CACNA2D3: variants seen among roughly 807,000 people sequenced by gnomAD.
CACNA2D3 encodes calcium voltage-gated channel auxiliary subunit alpha2delta 3.
Under a neutral mutation model 160.6 loss-of-function variants are expected in CACNA2D3, and 60 were observed. That is an observed-to-expected ratio of 0.37 (90% confidence interval 0.30 to 0.46). The LOEUF (loss-of-function observed/expected upper bound fraction) is 0.46, where lower values mean the gene tolerates loss of function less well. Ranked by LOEUF, CACNA2D3 falls within the 20% of genes least tolerant of loss-of-function variation. CACNA2D3 has a pLI of 1.00. For missense variants in CACNA2D3, 1,205 were observed against 1,365.0 expected, an observed-to-expected ratio of 0.88 and a Z score of 1.85; for synonymous variants, 558 against 492.9, an observed-to-expected ratio of 1.13 and a Z score of -1.75.
At chr3:54,405,993 G>A (rs527557256) in intron 4 of CACNA2D3, among the ~76,000 whole-genome samples, 1 of 152,202 alleles carries the variant, frequency 6.6e-6, no homozygotes, top group South Asian at 2.1e-4. Context: ...TTAAAACTGT[G>A]CAATATCACT....
chr3:54,825,971 A>G (rs1263967635), intron 14 of CACNA2D3, among the ~76,000 whole-genome samples: 1 of 152,204 alleles, frequency 6.6e-6, no homozygotes, highest in Non-Finnish European at 1.5e-5. Flanking sequence ...GTGCATATGC[A>G]TAGCTTTTCT....
chr3:55,065,377 C>G (rs891689717), intron 35 of CACNA2D3, among the ~76,000 whole-genome samples: 2 of 152,080 alleles, frequency 1.3e-5, no homozygotes, highest in African/African-American at 4.8e-5. Context: ...AATCCTACCC[C>G]AACCCCCTAC....
intron 5 of CACNA2D3, among the ~76,000 whole-genome samples, chr3:54,560,954 T>G (rs550996069): frequency 6.6e-6 from 1 of 152,236 alleles, no homozygotes; most frequent in African/African-American, 2.4e-5. Flanking sequence ...CTCATACCAG[T>G]ACCACTGCTG....
In CACNA2D3 at chr3:54,641,679, A is replaced by G. The variant is rs144683134; in HGVS notation, c.1054-449A>G. 8.7e-4 allele frequency among the ~76,000 whole-genome samples: 133 copies of G among 152,318 alleles called. 1 individual carries two copies. Among genetic ancestry groups the G allele is most frequent in the African/African-American group, 3.1e-3 (127 of 41,566 alleles). ...GGCCTACTATCTGCCTTTCAGTGCT[A>G]TGCCAGAGTCAGGTTGGAATTTTGT... On this transcript the variant is annotated intron_variant, in intron 10 of 37. Transcript: ENST00000474759.
intron 8 of CACNA2D3, among the ~76,000 whole-genome samples, chr3:54,573,500 C>T (rs959835005): frequency 6.6e-6 from 1 of 152,222 alleles, no homozygotes; most frequent in African/African-American, 2.4e-5. Flanking sequence ...ACAGAATATT[C>T]AGCAACTCTT....
chr3:54,955,895 A>C (rs1701877605), intron 27 of CACNA2D3, among the ~76,000 whole-genome samples: 1 of 152,180 alleles, frequency 6.6e-6, no homozygotes, highest in South Asian at 2.1e-4. Flanking sequence ...TTAACAACAG[A>C]AGATGGCTTT....
At chr3:54,446,479 T>A (rs746280906) in intron 4 of CACNA2D3, among the ~76,000 whole-genome samples, 4 of 152,208 alleles carry the variant, frequency 2.6e-5, no homozygotes, top group Admixed American at 1.3e-4. Flanking sequence ...CACACTATGC[T>A]GCTGCCTTTT....
At chr3:54,905,802 T>C (rs1575543666) in intron 27 of CACNA2D3, among the ~76,000 whole-genome samples, 1 of 152,168 alleles carries the variant, frequency 6.6e-6, no homozygotes, top group Non-Finnish European at 1.5e-5. Flanking sequence ...AGTGCTGAGA[T>C]TGAGAACTGT....
At chr3:54,610,596 G>A (rs535448326) in intron 9 of CACNA2D3, among the ~76,000 whole-genome samples, 2 of 151,978 alleles carry the variant, frequency 1.3e-5, no homozygotes, top group East Asian at 3.9e-4. Context: ...AATTTTCCAG[G>A]ACCCATGTTT....
intron 11 of CACNA2D3, among the ~76,000 whole-genome samples, chr3:54,700,933 A>T (rs1700757031): frequency 6.6e-6 from 1 of 152,242 alleles, no homozygotes; most frequent in South Asian, 2.1e-4. Flanking sequence ...AGGCTTAGCC[A>T]TTGAACCACC....
At chr3:54,266,894 G>A (rs1157068606) in intron 2 of CACNA2D3, among the ~76,000 whole-genome samples, 1 of 152,178 alleles carries the variant, frequency 6.6e-6, no homozygotes, top group Non-Finnish European at 1.5e-5. Flanking sequence ...CCCTCTTAGG[G>A]AGAGCATGGA....
rs902870347 is a variant in CACNA2D3, at chr3:54,908,868, T to C, written c.2449+9000T>C. On this transcript the variant is annotated intron_variant, in intron 27 of 37. Coordinates refer to ENST00000474759, the MANE Select transcript of CACNA2D3 (RefSeq NM_018398.3). ...TGAGTAGATGGAGGGGTAGAGACCATAGAAACTGCAAAGCCAAAAATATCC... is the reference window on the plus strand; with the variant it reads ...TGAGTAGATGGAGGGGTAGAGACCACAGAAACTGCAAAGCCAAAAATATCC... Among the ~76,000 whole-genome samples, 9 of 152,168 alleles carry C rather than the reference T, an allele frequency of 5.9e-5. No individual in the cohort carries two copies. The East Asian group carries it at 9.6e-4, about 16-fold the overall frequency.
intron 27 of CACNA2D3, among the ~76,000 whole-genome samples, chr3:54,947,054 G>T (rs1701634210): frequency 6.6e-6 from 1 of 152,184 alleles, no homozygotes; most frequent in African/African-American, 2.4e-5. Flanking sequence ...ACCCCATAAT[G>T]AAAGTGATCT....
At chr3:54,229,952 C>T (rs902910832) in intron 2 of CACNA2D3, among the ~76,000 whole-genome samples, 2 of 152,032 alleles carry the variant, frequency 1.3e-5, no homozygotes, top group Non-Finnish European at 2.9e-5. Context: ...TGTTTTTTGC[C>T]ACTGCAACAT....
rs190860928 is a variant in CACNA2D3, at chr3:54,464,274, G to A, written c.382-39218G>A. Among the ~76,000 whole-genome samples the A allele has an allele frequency of 3.9e-3, 600 of 152,270 alleles. 7 individuals carry two copies. The highest frequency in any genetic ancestry group is 0.012 in the African/African-American group (505 of 41,546). ...TGCCCCTTCTCATATCTCCAGCTGC[G>A]TGCTGGGAGAACCACTGCTCTCTTC... is the stretch of plus-strand genomic sequence containing the variant. On this transcript the variant is annotated intron_variant, in intron 4 of 37. Transcript: ENST00000474759.
chr3:54,939,104 A>G (rs1701396431), intron 27 of CACNA2D3, among the ~76,000 whole-genome samples: 1 of 152,224 alleles, frequency 6.6e-6, no homozygotes, highest in African/African-American at 2.4e-5. Flanking sequence ...TCCTCTGTCT[A>G]GATATCCAAT....
intron 9 of CACNA2D3, among the ~76,000 whole-genome samples, chr3:54,624,821 T>C (rs1699061078): frequency 2.6e-5 from 4 of 152,186 alleles, no homozygotes; most frequent in Admixed American, 2.6e-4. Flanking sequence ...TCCGTGTCCC[T>C]AGGTGGGTGC....
intron 27 of CACNA2D3, among the ~76,000 whole-genome samples, chr3:54,931,832 G>A (rs1037440159): frequency 1.3e-5 from 2 of 152,124 alleles, no homozygotes; most frequent in Non-Finnish European, 2.9e-5. Flanking sequence ...AATTGACAAT[G>A]TCTTGAAATC....
chr3:54,677,663 G>C (rs1700268886), intron 11 of CACNA2D3, among the ~76,000 whole-genome samples: 1 of 151,740 alleles, frequency 6.6e-6, no homozygotes, highest in Non-Finnish European at 1.5e-5. Context: ...TCTCTCCCAG[G>C]AATATGTTAC....
Sources: gnomAD v4.1 joint callset for allele counts (sites outside exome capture counted in the v4.1 genomes callset) on GRCh38, gnomAD v4.1.1 for gene constraint, MANE v1.5 for transcripts, NCBI Gene and HGNC (gene_info 2026-07-23, HGNC 2026-07-21) for gene names.